The following PELI1 variants were observed in gnomAD, a reference collection of about 807,000 sequenced individuals.
The protein encoded by PELI1 is pellino E3 ubiquitin protein ligase 1.
A neutral mutation model predicts 41.3 loss-of-function variants in PELI1; 15 were observed. That is an observed-to-expected ratio of 0.36 (90% CI 0.24 to 0.56). The LOEUF (loss-of-function observed/expected upper bound fraction) is 0.56. Among genes scored for constraint, PELI1 ranks in the 20% least tolerant of loss-of-function variants. The pLI is 0.82. For missense variants in PELI1, 403 were observed against 525.5 expected (o/e 0.77, Z 2.28); for synonymous variants, 178 against 180.1 (o/e 0.99, Z 0.09).
chr2:64,136,299 T>C (rs1681715051), intron 1 of PELI1, among the ~76,000 whole-genome samples: 2 of 152,184 alleles, frequency 1.3e-5, no homozygotes, highest in South Asian at 2.1e-4. Flanking sequence ...AAACTAGTGT[T>C]TAAAATACGT....
At chr2:64,118,261 A>G (rs999350435) in intron 1 of PELI1, among the ~76,000 whole-genome samples, 3 of 152,184 alleles carry the variant, frequency 2.0e-5, no homozygotes, top group Non-Finnish European at 2.9e-5. Context: ...ATGTTAGCAC[A>G]TTAAAAATAC....
intron 4 of PELI1, among the ~76,000 whole-genome samples, chr2:64,098,747 A>G (rs1259179981): frequency 6.6e-6 from 1 of 152,228 alleles, no homozygotes; most frequent in East Asian, 1.9e-4. Context: ...TGTTCAGTTT[A>G]CAGGGTAGAC....
intron 1 of PELI1, among the ~76,000 whole-genome samples, chr2:64,130,853 A>C (rs1443434195): frequency 6.6e-6 from 1 of 152,302 alleles, no homozygotes; most frequent in East Asian, 1.9e-4. Flanking sequence ...GAAATAGAAG[A>C]ATCTATCTAA....
chr2:64,132,913 C>T (rs1681600290), intron 1 of PELI1, among the ~76,000 whole-genome samples: 1 of 152,066 alleles, frequency 6.6e-6, no homozygotes, highest in African/African-American at 2.4e-5. Context: ...TAATATGATC[C>T]TTAGGTAATT....
intron 1 of PELI1, among the ~76,000 whole-genome samples, chr2:64,140,056 C>T (rs1455092355): frequency 2.6e-5 from 4 of 152,104 alleles, no homozygotes; most frequent in South Asian, 2.1e-4. Flanking sequence ...TTTTAGACAG[C>T]TTAGGGGAAA....
rs1680227397 is a variant in PELI1 at position 64,096,166 on chromosome 2, T to G, written c.649A>C (p.Ser217Arg). 4 of 1,614,158 alleles carry G rather than the reference T, an allele frequency of 2.5e-6. 1 individual carries two copies. In the Middle Eastern group the frequency reaches 5.0e-4, roughly 200 times the overall value. The change falls in exon 6 of 7, where the codon AGC becomes CGC. Residue 217 changes from serine (S) to arginine (R), a missense_variant. Ser to Arg is a moderately radical substitution (Grantham distance 110). Coordinates refer to ENST00000358912, the MANE Select transcript of PELI1 (RefSeq NM_020651.4). Reference sequence around the variant, plus strand: ...TGAGCCGATCTGGTTTCACGTAGGCTAAATACATTTCCACACACCGATATT... The same window carrying G: ...TGAGCCGATCTGGTTTCACGTAGGCGAAATACATTTCCACACACCGATATT... The part of the protein sequence containing the change: ...REISVCGNVF[S>R]LRETRSAQQR...
At chr2:64,131,361 G>A (rs1489968808) in intron 1 of PELI1, among the ~76,000 whole-genome samples, 1 of 151,874 alleles carries the variant, frequency 6.6e-6, no homozygotes, top group African/African-American at 2.4e-5. Flanking sequence ...AATGCCCTGG[G>A]GGTAGGGACC....
intron 6 of PELI1, 54 bp downstream of exon 6, chr2:64,096,071 A>G: frequency 1.6e-6 from 2 of 1,219,186 alleles, no homozygotes. Context: ...ATTCAGTTCT[A>G]CTCATCCTAT....
chr2:64,131,924 A>C (rs920912895), intron 1 of PELI1, among the ~76,000 whole-genome samples: 2 of 152,146 alleles, frequency 1.3e-5, no homozygotes, highest in African/African-American at 4.8e-5. Flanking sequence ...CCCAGCCAGA[A>C]ACAGTAATCT....
intron 1 of PELI1, among the ~76,000 whole-genome samples, chr2:64,117,966 C>G (rs375532021): frequency 2.0e-5 from 3 of 152,112 alleles, no homozygotes; most frequent in African/African-American, 7.2e-5. Flanking sequence ...CATGCCACCA[C>G]GCCCAGCTAA....
In PELI1 at chr2:64,095,159, T is replaced by C. The variant is rs1486794195; in HGVS notation, c.800A>G (p.His267Arg). The C allele has an allele frequency of 6.2e-7, 1 of 1,614,208 alleles. No homozygotes were observed. Among genetic ancestry groups the C allele is most frequent in the Non-Finnish European group, 8.5e-7 (1 of 1,179,996 alleles). The part of the protein sequence containing the change: ...EGLSHTPTVK[H>R]LEALRQEINA... ...GATTTCCTGTCTTAAAGCTTCTAAA[T>C]GCTTCACGGTAGGAGTGTGGGAAAG... Residue 267 changes from histidine to arginine, a missense_variant, in exon 7 of 7, where the codon CAT (histidine) becomes CGT (arginine). Coordinates refer to ENST00000358912, the MANE Select transcript of PELI1 (RefSeq NM_020651.4).
rs1041143272 is a variant in PELI1 at position 64,093,580 on chromosome 2, T to G, written c.*1122A>C. On this transcript the variant is annotated 3_prime_UTR_variant, in exon 7 of 7. Transcript: ENST00000358912. ...TTGGTGCTCATCTGCCAACCAAACA[T>G]TTCCTTAAGTCTCACTGTGGCAATC... 1 of 152,680 alleles carries G rather than the reference T, an allele frequency of 6.5e-6. No individual in the cohort carries two copies. Among genetic ancestry groups the G allele is most frequent in the Admixed American group, 6.5e-5 (1 of 15,280 alleles). The allele number at this position is 152,680 out of a possible 1,614,324, so 9.5% of individuals were successfully genotyped here. A position where few individuals can be genotyped will look rare whatever the true frequency, so the allele number is the denominator to read the frequency against.
In PELI1 at chr2:64,096,263, G is replaced by T; in HGVS notation, c.552C>A (p.Thr184=). The change falls in exon 6 of 7, where the codon ACC becomes ACA. Residue 184 remains threonine, a synonymous_variant. Transcript: ENST00000358912. ...GATGCATCACAAGAACACCATTAGT[G>T]GTCAAGCCATCCATCTGTCCATCTG... ...KTSDGQMDGL[T]TNGVLVMHPR... is the part of the protein sequence containing the mutation. 6.2e-7 allele frequency: 1 copy of T among 1,613,968 alleles called. No homozygotes were observed. Among genetic ancestry groups the T allele is most frequent in the Non-Finnish European group, 8.5e-7 (1 of 1,179,868 alleles).
At chr2:64,141,197 T>A (rs1681901642) in intron 1 of PELI1, among the ~76,000 whole-genome samples, 1 of 152,166 alleles carries the variant, frequency 6.6e-6, no homozygotes, top group African/African-American at 2.4e-5. Flanking sequence ...AACATCTTCA[T>A]CAGGTTTTCT....
intron 1 of PELI1, among the ~76,000 whole-genome samples, chr2:64,136,420 AC>A (rs1681718917): frequency 6.6e-6 from 1 of 152,216 alleles, no homozygotes; most frequent in Non-Finnish European, 1.5e-5. Flanking sequence ...CACTAAAGGG[AC>A]AAAAACTCTG....
At chr2:64,120,253 G>A (rs544655861) in intron 1 of PELI1, among the ~76,000 whole-genome samples, 1 of 152,302 alleles carries the variant, frequency 6.6e-6, no homozygotes, top group African/African-American at 2.4e-5. Context: ...ATTCTAGAAA[G>A]TACTGCCTGC....
rs557122642 is a variant in PELI1, at chr2:64,093,613, G to A, written c.*1089C>T. 1.3e-5 allele frequency: 2 copies of A among 152,586 alleles called. No individual in the cohort carries two copies. Among genetic ancestry groups the A allele is most frequent in the African/African-American group, 2.4e-5 (1 of 41,422 alleles). 9.5% of individuals were successfully genotyped at this position (152,586 alleles called of 1,614,324 possible). ...AGTCTCACTGTGGCAATCTCCTTAG[G>A]ATTCAAACCCAGAGTTAAGGCTGGT... On this transcript the variant is annotated 3_prime_UTR_variant, in exon 7 of 7. Transcript: ENST00000358912.
intron 1 of PELI1, among the ~76,000 whole-genome samples, chr2:64,130,393 G>A (rs545492922): frequency 6.6e-6 from 1 of 152,292 alleles, no homozygotes; most frequent in Non-Finnish European, 1.5e-5. Flanking sequence ...CTATTCACTT[G>A]TAAAAAATTC....
chr2:64,121,020 T>C (rs1681191026), intron 1 of PELI1, among the ~76,000 whole-genome samples: 1 of 152,192 alleles, frequency 6.6e-6, no homozygotes, highest in South Asian at 2.1e-4. Context: ...AACTGTCCCA[T>C]CCCCTGAAGC....
Sources: allele counts gnomAD v4.1 joint callset (sites outside exome capture counted in the v4.1 genomes callset), GRCh38; gene constraint gnomAD v4.1.1; transcripts MANE v1.5; gene names NCBI Gene and HGNC (gene_info 2026-07-23, HGNC 2026-07-21).